DAB1: variants seen among roughly 807,000 people sequenced by gnomAD.
The protein encoded by DAB1 is DAB adaptor protein 1, also known as disabled homolog 1.
Under a neutral mutation model 64.6 loss-of-function variants are expected in DAB1, and 15 were observed. That is an observed-to-expected ratio of 0.23 (90% CI 0.16 to 0.36). The LOEUF is 0.36. DAB1 is among the 10% of genes least tolerant of loss of function. The probability of loss-of-function intolerance (pLI) is 1.00; values close to 1 mark genes in which losing one functional copy is unlikely to be tolerated. For missense variants in DAB1, 596 were observed against 706.7 expected, an observed-to-expected ratio of 0.84 and a Z score of 1.78; for synonymous variants, 235 against 251.9, an observed-to-expected ratio of 0.93 and a Z score of 0.64.
intron 7 of DAB1, among the ~76,000 whole-genome samples, chr1:57,609,760 A>AT (rs1645703623): frequency 6.6e-6 from 1 of 152,206 alleles, no homozygotes; most frequent in African/African-American, 2.4e-5. Context: ...AAGTTTCAGC[A>AT]TTATGTCAAA....
intron 5 of DAB1, among the ~76,000 whole-genome samples, chr1:58,070,042 T>C (rs765400551): frequency 1.3e-5 from 2 of 152,216 alleles, no homozygotes; most frequent in Non-Finnish European, 2.9e-5. Context: ...GAGAAGCTCA[T>C]GCCTTGCTCA....
intron 5 of DAB1, among the ~76,000 whole-genome samples, chr1:58,124,111 T>C (rs1652913533): frequency 6.6e-6 from 1 of 152,056 alleles, no homozygotes; most frequent in African/African-American, 2.4e-5. Context: ...TGCATGTTTA[T>C]CTGGTATCAT....
intron 4 of DAB1, among the ~76,000 whole-genome samples, chr1:57,117,090 C>T (rs1369887862): frequency 7.9e-5 from 12 of 152,178 alleles, no homozygotes; most frequent in Admixed American, 2.6e-4. Context: ...CCTCCCTAGT[C>T]GCTCTCCAAT....
At chr1:57,494,002 A>G (rs2101288506) in intron 7 of DAB1, among the ~76,000 whole-genome samples, 1 of 152,330 alleles carries the variant, frequency 6.6e-6, no homozygotes, top group South Asian at 2.1e-4. Context: ...TAAATATGGT[A>G]AAACTGTTTA....
chr1:57,125,910 C>A (rs1000628446), intron 4 of DAB1, among the ~76,000 whole-genome samples: 2 of 152,056 alleles, frequency 1.3e-5, no homozygotes, highest in African/African-American at 4.8e-5. Flanking sequence ...AAGAGGTGAA[C>A]CAGAGGCTTC....
At chr1:57,091,791 TA>T (rs1653702127) in intron 4 of DAB1, among the ~76,000 whole-genome samples, 1 of 152,254 alleles carries the variant, frequency 6.6e-6, no homozygotes, top group African/African-American at 2.4e-5. Flanking sequence ...TAGCTTATAC[TA>T]TTCAATACAC....
intron 7 of DAB1, among the ~76,000 whole-genome samples, chr1:57,566,110 G>A (rs1645117146): frequency 6.6e-6 from 1 of 152,132 alleles, no homozygotes; most frequent in East Asian, 1.9e-4. Flanking sequence ...TAGAACTCAG[G>A]ATTAAGAAAC....
chr1:57,889,282 T>C (rs1315074786), intron 5 of DAB1, among the ~76,000 whole-genome samples: 1 of 152,214 alleles, frequency 6.6e-6, no homozygotes, highest in African/African-American at 2.4e-5. Context: ...AGTGAGTACT[T>C]GAGCTGTCGC....
chr1:58,272,703 G>C lies in DAB1; in HGVS notation n.309+70649C>G, dbSNP rs1661335174. Among the ~76,000 whole-genome samples, 4 of 150,926 alleles carry C rather than the reference G, an allele frequency of 2.7e-5. No individual in the cohort carries two copies. The South Asian group carries it at 8.5e-4, about 32-fold the overall frequency. ...CTCACGACTTGCTTTATGAATCTGGGTGCTCCTGTATTGGGTGCATATATA... is the reference window on the plus strand; with the variant it reads ...CTCACGACTTGCTTTATGAATCTGGCTGCTCCTGTATTGGGTGCATATATA... On this transcript the variant is annotated intron_variant and non_coding_transcript_variant, in intron 4 of 20. Transcript: ENST00000485760.
intron 4 of DAB1, among the ~76,000 whole-genome samples, chr1:58,158,715 C>T (rs1015508036): frequency 2.6e-5 from 4 of 152,186 alleles, no homozygotes; most frequent in African/African-American, 2.4e-5. Flanking sequence ...AAAGATCATA[C>T]CCCGGAAGGA....
chr1:57,923,093 A>G, intron 5 of DAB1, among the ~76,000 whole-genome samples: 1 of 151,690 alleles, frequency 6.6e-6, no homozygotes, highest in Non-Finnish European at 1.5e-5. Flanking sequence ...AAACCCTAGA[A>G]TAACCCCATG....
intron 4 of DAB1, among the ~76,000 whole-genome samples, chr1:58,245,815 C>T (rs904564228): frequency 1.3e-5 from 2 of 152,130 alleles, no homozygotes; most frequent in Non-Finnish European, 2.9e-5. Flanking sequence ...TAAAAATAAG[C>T]CCAACTACCT....
intron 7 of DAB1, among the ~76,000 whole-genome samples, chr1:57,638,135 T>C (rs1329690813): frequency 6.6e-6 from 1 of 152,236 alleles, no homozygotes; most frequent in Non-Finnish European, 1.5e-5. Flanking sequence ...ATGATGGTTA[T>C]TTTTTGTTTT....
At chr1:57,610,679 GGA>G (rs1346464635) in intron 7 of DAB1, among the ~76,000 whole-genome samples, 3 of 152,166 alleles carry the variant, frequency 2.0e-5, no homozygotes, top group Non-Finnish European at 4.4e-5. Context: ...CAGGGCAGCA[GGA>G]GAGAGAGTGA....
At chr1:58,229,922 C>T (rs981876474) in intron 4 of DAB1, among the ~76,000 whole-genome samples, 1 of 152,210 alleles carries the variant, frequency 6.6e-6, no homozygotes, top group Non-Finnish European at 1.5e-5. Flanking sequence ...CAGGACCACA[C>T]AGACAGATAG....
chr1:58,302,375 A>AAG (rs760278610), intron 4 of DAB1, among the ~76,000 whole-genome samples: 5 of 150,666 alleles, frequency 3.3e-5, no homozygotes, highest in East Asian at 1.9e-4. Flanking sequence ...CTGGGGCCTT[A>AAG]AGAGAGAGAG....
chr1:57,455,775 G>C (rs1686567170), intron 7 of DAB1, among the ~76,000 whole-genome samples: 1 of 152,056 alleles, frequency 6.6e-6, no homozygotes, highest in Non-Finnish European at 1.5e-5. Flanking sequence ...ATGGAATAAA[G>C]AGAAAAGACC....
At chr1:58,475,706 G>A (rs1167372488) in intron 3 of DAB1, among the ~76,000 whole-genome samples, 1 of 152,046 alleles carries the variant, frequency 6.6e-6, no homozygotes, top group Non-Finnish European at 1.5e-5. Context: ...TGCAGCACTT[G>A]GGATGTTCAG....
At chr1:56,998,708 G>T (rs930930657) in intron 14 of DAB1, among the ~76,000 whole-genome samples, 6 of 152,186 alleles carry the variant, frequency 3.9e-5, no homozygotes, top group African/African-American at 9.7e-5. Flanking sequence ...AACAGCAAGT[G>T]TGTCTTTGTC....
Sources: gnomAD v4.1 joint callset for allele counts (sites outside exome capture counted in the v4.1 genomes callset) on GRCh38, gnomAD v4.1.1 for gene constraint, MANE v1.5 for transcripts, NCBI Gene and HGNC (gene_info 2026-07-23, HGNC 2026-07-21) for gene names.